ACTB: variants seen among roughly 807,000 people sequenced by gnomAD.
The protein encoded by ACTB is actin beta.
ACTB carries 2 observed loss-of-function variants against 30.5 expected under a neutral mutation model. The observed-to-expected ratio is 0.07, with a 90% CI of 0.03 to 0.21. The LOEUF (loss-of-function observed/expected upper bound fraction) is 0.21. Among genes scored for constraint, ACTB ranks in the 10% least tolerant of loss-of-function variants. ACTB has a pLI of 1.00. For missense variants in ACTB, 56 were observed against 530.0 expected (o/e 0.11, Z 8.78); for synonymous variants, 335 against 217.6 (o/e 1.54, Z -4.75).
At chr7:5,530,365 G>C (rs1291971781) in intron 1 of ACTB, among the ~76,000 whole-genome samples, 159 bp downstream of exon 1, 1 of 152,014 alleles carries the variant, frequency 6.6e-6, no homozygotes, top group Non-Finnish European at 1.5e-5. Context: ...CCCATCTCCG[G>C]AGGCCCAGGG....
chr7:5,529,026 G>C lies in ACTB; in HGVS notation c.363+135C>G, dbSNP rs746784196. 6 of 1,611,986 alleles carry C rather than the reference G, an allele frequency of 3.7e-6. No individual in the cohort carries two copies. In the Admixed American group the frequency reaches 1.0e-4, roughly 27 times the overall value. Reference sequence around the variant, plus strand: ...GGAAAAAGCAAATAGAACCTGCAGAGTTCCAAAGGAGACTCAGGTCAGAGA... The same window carrying C: ...GGAAAAAGCAAATAGAACCTGCAGACTTCCAAAGGAGACTCAGGTCAGAGA... On this transcript the variant is annotated intron_variant, in intron 3 of 5. Transcript: ENST00000646664.
intron 1 of ACTB, among the ~76,000 whole-genome samples, chr7:5,530,205 G>T (rs1405542578): frequency 3.9e-5 from 6 of 151,918 alleles, no homozygotes; most frequent in Admixed American, 2.6e-4. Context: ...CGGGCCTGGC[G>T]GGGGCTCCGC....
intron 3 of ACTB, 142 bp from the exon 4 acceptor site, chr7:5,528,861 C>T (rs921677653): frequency 4.5e-5 from 62 of 1,392,988 alleles, no homozygotes; most frequent in African/African-American, 2.7e-4. Context: ...ACCTACTGTG[C>T]ACCTACTTAA....
rs369349916 is a variant in ACTB, at chr7:5,528,236, G to A, written c.802+45C>T. ...TAGCTTCCACAGCACAGCCCCGAGGGGTAACCCTCATGTCAGGCAGAGCCG... is the reference window on the plus strand; with the variant it reads ...TAGCTTCCACAGCACAGCCCCGAGGAGTAACCCTCATGTCAGGCAGAGCCG... On this transcript the variant is annotated intron_variant, in intron 4 of 5. Coordinates refer to ENST00000646664, the MANE Select transcript of ACTB (RefSeq NM_001101.5). The A allele has an allele frequency of 1.1e-4, 183 of 1,613,612 alleles. 3 individuals are homozygous for A. Among genetic ancestry groups the A allele is most frequent in the Admixed American group, 6.5e-4 (39 of 59,996 alleles).
chr7:5,528,666 C>G lies in ACTB; in HGVS notation c.417G>C (p.Val139=). ...TACGGCCAGAGGCGTACAGGGATAG[C>G]ACAGCCTGGATAGCAACGTACATGG... The part of the protein sequence containing the change: ...TPAMYVAIQA[V]LSLYASGRTT... The change falls in exon 4 of 6, where the codon GTG becomes GTC. Residue 139 remains valine (V), a synonymous_variant. Transcript: ENST00000646664. 1.2e-6 allele frequency: 2 copies of G among 1,613,970 alleles called. No homozygotes were observed. Among genetic ancestry groups the G allele is most frequent in the South Asian group, 2.2e-5 (2 of 91,088 alleles).
intron 1 of ACTB, among the ~76,000 whole-genome samples, chr7:5,530,154 A>G (rs893764920): frequency 6.6e-6 from 1 of 151,850 alleles, no homozygotes; most frequent in Non-Finnish European, 1.5e-5. Flanking sequence ...GTTAGCGCCC[A>G]AAGGACCAGC....
Position 5,529,670 on chromosome 7 carries a change from G to A in ACTB, c.-6-7C>T, listed in dbSNP as rs553518880. On this transcript the variant is annotated splice_polypyrimidine_tract_variant and splice_region_variant and intron_variant, in intron 1 of 5. Coordinates refer to ENST00000646664, the MANE Select transcript of ACTB (RefSeq NM_001101.5). ...TATCATCATCCATGGTGAGCTGCGA[G>A]AATAGCCGGGCGCGCTGTGAGCCGA... 10 of 1,611,320 alleles carry A rather than the reference G, an allele frequency of 6.2e-6. No homozygotes were observed. The highest frequency in any genetic ancestry group is 2.2e-5 in the East Asian group (1 of 44,856).
Position 5,528,734 on chromosome 7 carries a change from T to C in ACTB, c.364-15A>G, listed in dbSNP as rs762131422. On this transcript the variant is annotated splice_polypyrimidine_tract_variant and intron_variant, in intron 3 of 5. Transcript: ENST00000646664. ...TCAAACATGATCTGTAAGGCAGAGA[T>C]ACACCATGTCACACTGGGGAAGCCA... 1.2e-6 allele frequency: 2 copies of C among 1,612,518 alleles called. No individual in the cohort carries two copies. The highest frequency in any genetic ancestry group is 8.5e-7 in the Non-Finnish European group (1 of 1,179,210).
intron 1 of ACTB, 148 bp downstream of exon 1, chr7:5,530,376 G>T: frequency 6.6e-6 from 1 of 152,268 alleles, no homozygotes; most frequent in Non-Finnish European, 1.5e-5. Context: ...AGGCCCAGGG[G>T]CTTCTCCCGC....
Position 5,528,734 on chromosome 7 carries a change from T to TG in ACTB, c.364-16_364-15insC, listed in dbSNP as rs1784816951. ...TCAAACATGATCTGTAAGGCAGAGA[T>TG]ACACCATGTCACACTGGGGAAGCCA... On this transcript the variant is annotated splice_polypyrimidine_tract_variant and intron_variant, in intron 3 of 5. Coordinates refer to ENST00000646664, the MANE Select transcript of ACTB (RefSeq NM_001101.5). 1.2e-6 allele frequency: 2 copies of TG among 1,612,400 alleles called. No individual in the cohort carries two copies. Among genetic ancestry groups the TG allele is most frequent in the Non-Finnish European group, 1.7e-6 (2 of 1,179,218 alleles).
chr7:5,527,890 A>T lies in ACTB; in HGVS notation c.986T>A (p.Ile329Asn). ...ALAPSTMKIK[I>N]IAPPERKYSV... ...GTACTTGCGCTCAGGAGGAGCAATG[A>T]TCTGAGGAGGGAAGGGGACAGGCAG... The change falls in exon 6 of 6, where the codon ATC becomes AAC. Residue 329 changes from isoleucine (I) to asparagine (N), a missense_variant and splice_region_variant. This residue lies in a region of ACTB where 10 missense variants were observed against 17.6 expected (regional missense o/e 0.57). Coordinates refer to ENST00000646664, the MANE Select transcript of ACTB (RefSeq NM_001101.5). 6.2e-7 allele frequency: 1 copy of T among 1,613,998 alleles called. No homozygotes were observed. The highest frequency in any genetic ancestry group is 1.1e-5 in the South Asian group (1 of 91,076).
In ACTB at chr7:5,528,411, C is replaced by T; in HGVS notation, c.672G>A (p.Glu224=). Residue 224 remains glutamate (E), a synonymous_variant, in exon 4 of 6, where the codon GAG becomes GAA. Transcript: ENST00000646664. ...TGGAAGCAGCCGTGGCCATCTCTTG[C>T]TCGAAGTCCAGGGCGACGTAGCACA... is the stretch of plus-strand genomic sequence containing the variant. ...EKLCYVALDF[E]QEMATAASSS... The T allele has an allele frequency of 6.2e-7, 1 of 1,614,108 alleles. No homozygotes were observed. The highest frequency in any genetic ancestry group is 8.5e-7 in the Non-Finnish European group (1 of 1,180,042).
intron 3 of ACTB, 85 bp from the exon 4 acceptor site, chr7:5,528,804 G>C (rs1219610530): frequency 4.6e-6 from 7 of 1,527,186 alleles, no homozygotes; most frequent in South Asian, 1.1e-5. Context: ...AAAGTGCAAA[G>C]AACACGGCTA....
At position 5,527,495 on chromosome 7, in the gene ACTB, G is replaced by A. The variant is rs1158885555; in HGVS notation, c.*253C>T. The A allele has an allele frequency of 1.7e-6, 1 of 599,384 alleles. No individual in the cohort carries two copies. The highest frequency in any genetic ancestry group is 2.9e-6 in the Non-Finnish European group (1 of 350,458). The allele number at this position is 599,384 out of a possible 1,614,324, so 37.1% of individuals were successfully genotyped here. ...TCCTGTAACAACGCATCTCATATTT[G>A]GAATGACTATTAAAAAAACAACAAT... On this transcript the variant is annotated 3_prime_UTR_variant, in exon 6 of 6. Coordinates refer to ENST00000646664, the MANE Select transcript of ACTB (RefSeq NM_001101.5).
At chr7:5,530,242 C>G (rs1286355689) in intron 1 of ACTB, among the ~76,000 whole-genome samples, 1 of 151,964 alleles carries the variant, frequency 6.6e-6, no homozygotes, top group Non-Finnish European at 1.5e-5. Flanking sequence ...TCCCCATTGG[C>G]AAGAGCCCGG....
chr7:5,528,916 C>T, intron 3 of ACTB, 197 bp from the exon 4 acceptor site: 1 of 1,470,406 alleles, frequency 6.8e-7, no homozygotes, highest in South Asian at 1.2e-5. Flanking sequence ...GGCCTTGTCA[C>T]ACGAGCCAGT....
intron 3 of ACTB, 36 bp downstream of exon 3, chr7:5,529,125 G>T: frequency 6.2e-7 from 1 of 1,613,744 alleles, no homozygotes; most frequent in Non-Finnish European, 8.5e-7. Flanking sequence ...CAGGAAGGAG[G>T]GAGGCGGCCA....
chr7:5,527,687 G>C lies in ACTB; in HGVS notation c.*61C>G. 1.3e-6 allele frequency: 2 copies of C among 1,589,144 alleles called. No individual in the cohort carries two copies. Among genetic ancestry groups the C allele is most frequent in the Non-Finnish European group, 1.7e-6 (2 of 1,160,452 alleles). On this transcript the variant is annotated 3_prime_UTR_variant, in exon 6 of 6. Coordinates refer to ENST00000646664, the MANE Select transcript of ACTB (RefSeq NM_001101.5). ...AATAAAGCCATGCCAATCTCATCTT[G>C]TTTTCTGCGCAAGTTAGGTTTTGTC...
At position 5,528,477 on chromosome 7, in the gene ACTB, G is replaced by A; in HGVS notation, c.606C>T (p.Thr202=). ...CACGCACGATTTCCCGCTCGGCCGT[G>A]GTGGTGAAGCTGTAGCCGCGCTCGG... ...ILTERGYSFT[T]TAEREIVRDI... The change falls in exon 4 of 6, where the codon ACC becomes ACT. Residue 202 remains threonine (T), a synonymous_variant. Coordinates refer to ENST00000646664, the MANE Select transcript of ACTB (RefSeq NM_001101.5). The A allele has an allele frequency of 6.2e-7, 1 of 1,614,136 alleles. No individual in the cohort carries two copies. The highest frequency in any genetic ancestry group is 1.1e-5 in the South Asian group (1 of 91,090).
Sources: allele counts gnomAD v4.1 joint callset (sites outside exome capture counted in the v4.1 genomes callset), GRCh38; gene constraint gnomAD v4.1.1; regional missense constraint gnomAD v4.1.1; transcripts MANE v1.5; gene names NCBI Gene and HGNC (gene_info 2026-07-23, HGNC 2026-07-21).